LCOR: variants seen among roughly 807,000 people sequenced by gnomAD.
LCOR encodes ligand dependent nuclear receptor corepressor.
A neutral mutation model predicts 64.4 loss-of-function variants in LCOR; 14 were observed. That is an observed-to-expected ratio of 0.22 (90% CI 0.14 to 0.34). The LOEUF is 0.34. Ranked by LOEUF, LCOR falls within the 10% of genes least tolerant of loss-of-function variation. LCOR has a pLI of 1.00. For synonymous variants in LCOR, 643 were observed against 642.5 expected (o/e 1.00, Z -0.01); for missense variants, 1,686 against 1,765.3 (o/e 0.96, Z 0.80).
At chr10:96,856,451 C>G (rs2134385994) in intron 2 of LCOR, among the ~76,000 whole-genome samples, 1 of 151,486 alleles carries the variant, frequency 6.6e-6, no homozygotes, top group East Asian at 1.9e-4. Context: ...TTCCTTCTAC[C>G]CTACCTCCCC....
intron 2 of LCOR, among the ~76,000 whole-genome samples, chr10:96,900,995 G>C (rs1846626491): frequency 6.6e-6 from 1 of 151,472 alleles, no homozygotes; most frequent in Non-Finnish European, 1.5e-5. Context: ...CGAGACCATC[G>C]TGGCTAACAC....
At chr10:96,929,095 C>T (rs572831546) in intron 4 of LCOR, among the ~76,000 whole-genome samples, 79 of 152,260 alleles carry the variant, frequency 5.2e-4, no homozygotes, top group Non-Finnish European at 1.0e-3. Context: ...TAAGGGCCCT[C>T]GAATTTGGGG....
chr10:96,972,030 TAG>T (rs1440783910), intron 7 of LCOR, among the ~76,000 whole-genome samples: 1 of 152,012 alleles, frequency 6.6e-6, no homozygotes, highest in Non-Finnish European at 1.5e-5. Flanking sequence ...TGAGTGTTTC[TAG>T]AGAGGGGTGG....
intron 2 of LCOR, among the ~76,000 whole-genome samples, chr10:96,851,762 A>G (rs1845725025): frequency 6.6e-6 from 1 of 152,192 alleles, no homozygotes; most frequent in South Asian, 2.1e-4. Context: ...AGTGTTCAGT[A>G]ATTTTTCAGT....
At chr10:96,947,436 T>C (rs1847607899) in intron 5 of LCOR, among the ~76,000 whole-genome samples, 1 of 152,142 alleles carries the variant, frequency 6.6e-6, no homozygotes, top group Non-Finnish European at 1.5e-5. Flanking sequence ...TTGTTTATTA[T>C]GGAGATTTTA....
intron 2 of LCOR, among the ~76,000 whole-genome samples, chr10:96,876,690 G>T (rs905850121): frequency 1.3e-5 from 2 of 152,036 alleles, no homozygotes; most frequent in African/African-American, 4.8e-5. Context: ...AAGCTCATAG[G>T]CTTTTTTTTT....
intron 2 of LCOR, among the ~76,000 whole-genome samples, chr10:96,892,864 G>A (rs1435034224): frequency 1.3e-5 from 2 of 152,110 alleles, no homozygotes; most frequent in East Asian, 3.8e-4. Flanking sequence ...GTTGGATAAT[G>A]CTTTTTAAAT....
At chr10:96,870,301 G>A (rs1346269639) in intron 2 of LCOR, among the ~76,000 whole-genome samples, 3 of 152,100 alleles carry the variant, frequency 2.0e-5, no homozygotes, top group Non-Finnish European at 4.4e-5. Context: ...GTGAGCCACC[G>A]CACCCGGCCC....
chr10:96,951,565 A>C (rs541650148), intron 6 of LCOR, among the ~76,000 whole-genome samples: 9 of 152,078 alleles, frequency 5.9e-5, no homozygotes, highest in Non-Finnish European at 1.3e-4. Context: ...TACAGACCAT[A>C]TTGTTTAGTA....
At position 96,994,569 on chromosome 10, in the gene LCOR, T is replaced by G. The variant is rs1267627083; in HGVS notation, c.*9435T>G. On this transcript the variant is annotated 3_prime_UTR_variant, in exon 8 of 8. Transcript: ENST00000421806. ...TCACTAGTGTATTTTTAGACTGAAG[T>G]GGGTGCATTAGGATAAAACTTTCCC... 6.6e-6 allele frequency: 1 copy of G among 152,090 alleles called. No homozygotes were observed. Among genetic ancestry groups the G allele is most frequent in the South Asian group, 2.1e-4 (1 of 4,818 alleles). The allele number at this position is 152,090 out of a possible 1,614,324, so 9.4% of individuals were successfully genotyped here.
At chr10:96,866,804 G>A (rs1427365036) in intron 2 of LCOR, among the ~76,000 whole-genome samples, 1 of 152,094 alleles carries the variant, frequency 6.6e-6, no homozygotes, top group African/African-American at 2.4e-5. Flanking sequence ...TCGAACTCCT[G>A]ACCTCAGGTG....
intron 2 of LCOR, among the ~76,000 whole-genome samples, chr10:96,849,011 GTTTTT>G (rs144865916): frequency 1.9e-5 from 2 of 106,544 alleles, no homozygotes; most frequent in African/African-American, 3.7e-5. Flanking sequence ...AGTTGAAAAT[GTTTTT>G]TTTTTTTTTT....
intron 7 of LCOR, among the ~76,000 whole-genome samples, 173 bp from the exon 8 acceptor site, chr10:96,980,620 G>A (rs1370831232): frequency 6.6e-6 from 1 of 152,168 alleles, no homozygotes; most frequent in Non-Finnish European, 1.5e-5. Context: ...GCTGAGGCAG[G>A]AGGATCTCTT....
chr10:96,839,024 G>A (rs1845493331), intron 2 of LCOR, among the ~76,000 whole-genome samples: 1 of 151,930 alleles, frequency 6.6e-6, no homozygotes, highest in Admixed American at 6.6e-5. Context: ...TATTTTAGTG[G>A]GTATGAAGTC....
intron 7 of LCOR, among the ~76,000 whole-genome samples, chr10:96,973,335 C>T (rs1298102540): frequency 6.6e-6 from 1 of 152,150 alleles, no homozygotes; most frequent in East Asian, 1.9e-4. Context: ...AATTTCCACA[C>T]CCCATGCCAA....
intron 2 of LCOR, among the ~76,000 whole-genome samples, chr10:96,885,868 C>A (rs886067082): frequency 6.6e-6 from 1 of 151,826 alleles, no homozygotes; most frequent in East Asian, 1.9e-4. Context: ...TTTAATATTT[C>A]TTGATATGTT....
chr10:96,885,440 G>GGCAT (rs1846326524), intron 2 of LCOR, among the ~76,000 whole-genome samples: 1 of 151,970 alleles, frequency 6.6e-6, no homozygotes, highest in Admixed American at 6.6e-5. Flanking sequence ...GGAGTGCAGT[G>GGCAT]GCATGATCAC....
chr10:96,865,848 T>C (rs1845961890), intron 2 of LCOR, among the ~76,000 whole-genome samples: 1 of 132,844 alleles, frequency 7.5e-6, no homozygotes, highest in Middle Eastern at 4.2e-3. Flanking sequence ...CACTCCAGCC[T>C]GGGCAACAAG....
At chr10:96,864,654 C>A (rs1203222744) in intron 2 of LCOR, among the ~76,000 whole-genome samples, 1 of 152,192 alleles carries the variant, frequency 6.6e-6, no homozygotes, top group Non-Finnish European at 1.5e-5. Flanking sequence ...TTTCAGTCAA[C>A]AACAGACCAC....
Sources: gnomAD v4.1 joint callset for allele counts (sites outside exome capture counted in the v4.1 genomes callset) on GRCh38, gnomAD v4.1.1 for gene constraint, MANE v1.5 for transcripts, NCBI Gene and HGNC (gene_info 2026-07-23, HGNC 2026-07-21) for gene names.